The following ADAMTS18 variants were observed in gnomAD, a reference collection of about 807,000 sequenced individuals.
The protein encoded by ADAMTS18 is A disintegrin and metalloproteinase with thrombospondin motifs 18.
Under a neutral mutation model 165.9 loss-of-function variants are expected in ADAMTS18, and 157 were observed. That is an observed-to-expected ratio of 0.95 (90% CI 0.83 to 1.08). The LOEUF (loss-of-function observed/expected upper bound fraction) is 1.08. ADAMTS18 is among the 50% of genes least tolerant of loss of function. ADAMTS18 has a pLI of 0.00. For missense variants in ADAMTS18, 2,040 were observed against 1,534.0 expected, an observed-to-expected ratio of 1.33 and a Z score of -5.51; for synonymous variants, 782 against 578.2, an observed-to-expected ratio of 1.35 and a Z score of -5.06.
At chr16:77,284,123 C>CTTTTTT (rs34369567) in intron 22 of ADAMTS18, 52 bp from the exon 23 acceptor site, 1 of 828,516 alleles carries the variant, frequency 1.2e-6, no homozygotes, top group Non-Finnish European at 1.8e-6. Flanking sequence ...TATCCTTTTT[C>CTTTTTT]TTTTTTTTTT....
At chr16:77,355,483 T>C (rs1369766703) in intron 9 of ADAMTS18, among the ~76,000 whole-genome samples, 2 of 152,196 alleles carry the variant, frequency 1.3e-5, no homozygotes, top group Non-Finnish European at 2.9e-5. Flanking sequence ...TAAAATACTC[T>C]ATGACACATT....
rs778841341 is a variant in ADAMTS18, at chr16:77,363,813, C to A, written c.1045G>T (p.Glu349Ter). The change falls in exon 6 of 23, where the codon GAA (glutamate) becomes TAA (stop). Residue 349 changes from glutamate to a stop codon, truncating the protein, a stop_gained. Coordinates refer to ENST00000282849, the MANE Select transcript of ADAMTS18 (RefSeq NM_199355.4). LOFTEE classifies it high-confidence loss of function. ...AGTTTGCCACTTACAGGTTCTTGTT[C>A]CAGAAGAATTAGGCTCACCACAACC... ...NVVVVSLILL[E>*]QEPGGLLINH... The A allele has an allele frequency of 2.5e-6, 4 of 1,613,832 alleles. No homozygotes were observed. Among genetic ancestry groups the A allele is most frequent in the Non-Finnish European group, 2.5e-6 (3 of 1,179,912 alleles).
In ADAMTS18 at chr16:77,364,394, G is replaced by C; in HGVS notation, c.779-13C>G. 1 of 1,613,194 alleles carries C rather than the reference G, an allele frequency of 6.2e-7. No individual in the cohort carries two copies. The highest frequency in any genetic ancestry group is 1.7e-4 in the Middle Eastern group (1 of 6,048). ...GGCTTGGGAGCATCTACGATGAACA[G>C]AAGAGCATTTGGAAGGGATATTAGA... On this transcript the variant is annotated splice_polypyrimidine_tract_variant and intron_variant, in intron 4 of 22. Coordinates refer to ENST00000282849, the MANE Select transcript of ADAMTS18 (RefSeq NM_199355.4).
Position 77,295,064 on chromosome 16 carries a change from C to A in ADAMTS18, c.2865G>T (p.Lys955Asn). Residue 955 changes from lysine to asparagine, a missense_variant, in exon 19 of 23, where the codon AAG (lysine) becomes AAT (asparagine). Coordinates refer to ENST00000282849, the MANE Select transcript of ADAMTS18 (RefSeq NM_199355.4). ...AGGGCTTCTTTTGCACACACTGGAT[C>A]TTTCGGCTCTGCTGGCCTCCAGCAC... ...KACAGGQQSRKIQCVQKKPFQ... is the reference protein window; with the variant it reads ...KACAGGQQSRNIQCVQKKPFQ... The A allele has an allele frequency of 4.3e-6, 7 of 1,614,178 alleles. No individual in the cohort carries two copies. The highest frequency in any genetic ancestry group is 5.9e-6 in the Non-Finnish European group (7 of 1,180,022).
chr16:77,389,374 G>C (rs1379273641), intron 3 of ADAMTS18, among the ~76,000 whole-genome samples: 1 of 152,194 alleles, frequency 6.6e-6, no homozygotes, highest in Non-Finnish European at 1.5e-5. Flanking sequence ...TATAGCTTAA[G>C]TGAGGGGGTA....
At chr16:77,392,935 A>G in intron 3 of ADAMTS18, among the ~76,000 whole-genome samples, 1 of 152,148 alleles carries the variant, frequency 6.6e-6, no homozygotes, top group East Asian at 1.9e-4. Flanking sequence ...GGGAACTTTT[A>G]GACAGTATGG....
intron 16 of ADAMTS18, among the ~76,000 whole-genome samples, chr16:77,312,194 C>T (rs1320565499): frequency 6.6e-6 from 1 of 151,820 alleles, no homozygotes; most frequent in Non-Finnish European, 1.5e-5. Context: ...ACTCTATCAC[C>T]AGTGGAGGCC....
At chr16:77,310,923 C>T (rs1364474352) in intron 16 of ADAMTS18, among the ~76,000 whole-genome samples, 1 of 152,176 alleles carries the variant, frequency 6.6e-6, no homozygotes, top group Non-Finnish European at 1.5e-5. Flanking sequence ...CCTGATTGTG[C>T]ATCTCCAATA....
chr16:77,392,574 C>G (rs796859062), intron 3 of ADAMTS18, among the ~76,000 whole-genome samples: 6 of 152,212 alleles, frequency 3.9e-5, no homozygotes, highest in African/African-American at 1.4e-4. Context: ...TACACTTTAC[C>G]CCCAACAGAT....
intron 3 of ADAMTS18, among the ~76,000 whole-genome samples, chr16:77,426,537 C>T (rs1212379359): frequency 6.6e-6 from 1 of 152,192 alleles, no homozygotes; most frequent in Admixed American, 6.5e-5. Flanking sequence ...GTGTAAACTC[C>T]TTGTTTCAGG....
chr16:77,365,795 A>G (rs1294915994), intron 4 of ADAMTS18, among the ~76,000 whole-genome samples: 1 of 152,240 alleles, frequency 6.6e-6, no homozygotes, highest in African/African-American at 2.4e-5. Context: ...CTAGCTCCCT[A>G]CAGAGTAAAA....
rs866074735 is a variant in ADAMTS18, at chr16:77,325,946, C to T, written c.1952G>A (p.Arg651Gln). ...NPCNENSLDF[R>Q]AQQCAEYNSK... ...GTTATATTCTGCACACTGTTGAGCC[C>T]GAAAATCCAAGCTATTTTCATTGCA... Residue 651 changes from arginine (R) to glutamine (Q), a missense_variant, in exon 13 of 23, where the codon CGG becomes CAG. Transcript: ENST00000282849. 4.3e-6 allele frequency: 7 copies of T among 1,613,788 alleles called. No individual in the cohort carries two copies. Among genetic ancestry groups the T allele is most frequent in the African/African-American group, 4.0e-5 (3 of 74,826 alleles).
chr16:77,384,559 T>C lies in ADAMTS18; in HGVS notation c.496-16836A>G, dbSNP rs1434320290. Among the ~76,000 whole-genome samples, 4 of 152,180 alleles carry C rather than the reference T, an allele frequency of 2.6e-5. No individual in the cohort carries two copies. In the East Asian group the frequency reaches 7.7e-4, roughly 29 times the overall value. ...TCTCTGAGGGTAGTGTTTGAACTTC[T>C]GTACATTGGGGAACGTCTGAAGGTT... On this transcript the variant is annotated intron_variant, in intron 3 of 22. Transcript: ENST00000282849.
chr16:77,309,856 T>C (rs2055748279), intron 16 of ADAMTS18, among the ~76,000 whole-genome samples: 1 of 152,152 alleles, frequency 6.6e-6, no homozygotes, highest in South Asian at 2.1e-4. Flanking sequence ...AACTAACTGG[T>C]CAGTGACTTC....
intron 3 of ADAMTS18, among the ~76,000 whole-genome samples, chr16:77,383,977 G>A (rs971497304): frequency 6.6e-6 from 1 of 152,018 alleles, no homozygotes; most frequent in Admixed American, 6.6e-5. Flanking sequence ...CCCCATAACA[G>A]CCTTTATCAT....
rs776584074 is a variant in ADAMTS18, at chr16:77,356,036, T to G, written c.1364A>C (p.Lys455Thr). ...GGGAGACATGATATTGCCTTCAGCC[T>G]TTCTGCAGGGATTCCCTTCTCCATC... ...IHDGEGNPCR[K>T]AEGNIMSPTL... Residue 455 changes from lysine (K) to threonine (T), a missense_variant, in exon 9 of 23, where the codon AAG (lysine) becomes ACG (threonine). Coordinates refer to ENST00000282849, the MANE Select transcript of ADAMTS18 (RefSeq NM_199355.4). 39 of 1,614,102 alleles carry G rather than the reference T, an allele frequency of 2.4e-5. No individual in the cohort carries two copies. Among genetic ancestry groups the G allele is most frequent in the Non-Finnish European group, 3.3e-5 (39 of 1,179,980 alleles).
chr16:77,337,956 T>G lies in ADAMTS18; in HGVS notation c.1711-2052A>C, dbSNP rs188158567. On this transcript the variant is annotated intron_variant, in intron 11 of 22. Transcript: ENST00000282849. ...TTCACTCTTGTTGCCCATGCTGGAA[T>G]GCAGTGGTGCGATCTCGGCTCACTG... Among the ~76,000 whole-genome samples, 968 of 150,718 alleles carry G rather than the reference T, an allele frequency of 6.4e-3. 13 individuals carry two copies. Among genetic ancestry groups the G allele is most frequent in the African/African-American group, 0.023 (934 of 41,150 alleles).
chr16:77,433,249 C>T (rs1320211357), intron 2 of ADAMTS18: 1 of 152,160 alleles, frequency 6.6e-6, no homozygotes, highest in Non-Finnish European at 1.5e-5. Flanking sequence ...CTTCTTGTCC[C>T]AAATCATCTG....
In ADAMTS18 at chr16:77,367,646, G is replaced by C. The variant is rs188959345; in HGVS notation, c.573C>G (p.Tyr191Ter). The C allele has an allele frequency of 1.2e-6, 2 of 1,614,070 alleles. No individual in the cohort carries two copies. The highest frequency in any genetic ancestry group is 3.3e-5 in the Admixed American group (2 of 60,008). The change falls in exon 4 of 23, where the codon TAC becomes TAG. Residue 191 changes from tyrosine to a stop codon, truncating the protein, a stop_gained. Transcript: ENST00000282849. LOFTEE classifies it high-confidence loss of function. ...LPQLLAQEHN[Y>*]SSPAGHHPHV... The stretch of plus-strand genomic sequence containing the variant: ...GAGGATGGTGACCCGCAGGGGAGCT[G>C]TAGTTGTGTTCCTGGGCCAGAAGCT...
Sources: allele counts gnomAD v4.1 joint callset (sites outside exome capture counted in the v4.1 genomes callset), GRCh38; gene constraint gnomAD v4.1.1; transcripts MANE v1.5; gene names NCBI Gene and HGNC (gene_info 2026-07-23, HGNC 2026-07-21).